ESRRB: variants seen among roughly 807,000 people sequenced by gnomAD.
The protein encoded by ESRRB is steroid hormone receptor ERR2.
In ESRRB, 16 loss-of-function variants were observed where a neutral mutation model predicts 46.0. The observed-to-expected ratio is 0.35, with a 90% CI of 0.24 to 0.53. The LOEUF (loss-of-function observed/expected upper bound fraction) is 0.53, where lower values mean the gene tolerates loss of function less well. Among genes scored for constraint, ESRRB ranks in the 20% least tolerant of loss-of-function variants. The pLI, the probability that ESRRB is intolerant of heterozygous loss-of-function variation, is 0.93. For synonymous variants in ESRRB, 246 were observed against 259.6 expected, an observed-to-expected ratio of 0.95 and a Z score of 0.50; for missense variants, 488 against 607.4, an observed-to-expected ratio of 0.80 and a Z score of 2.07.
chr14:76,492,465 C>T (rs1263762142), intron 6 of ESRRB, among the ~76,000 whole-genome samples: 2 of 152,230 alleles, frequency 1.3e-5, no homozygotes, highest in African/African-American at 2.4e-5. Flanking sequence ...CCACGCTCAG[C>T]GTCAACTTAT....
chr14:76,393,967 A>ATTTTTTTTTTTT (rs71122531), intron 1 of ESRRB, among the ~76,000 whole-genome samples: 51 of 126,954 alleles, frequency 4.0e-4, no homozygotes, highest in East Asian at 1.2e-3. Flanking sequence ...TGCCTGGCTA[A>ATTTTTTTTTTTT]TTTTTTTTTT....
chr14:76,498,363 G>T lies in ESRRB; in HGVS notation c.1270G>T (p.Ala424Ser). Residue 424 changes from alanine to serine, a missense_variant, in exon 7 of 7, where the codon GCC becomes TCC. Coordinates refer to ENST00000644823, the MANE Select transcript of ESRRB (RefSeq NM_001379180.1). ...GACACTGCCGCTGCTGCGGCAGACG[G>T]CCGCCAAGGCCGTGCAGCACTTCTA... ...LLTLPLLRQT[A>S]AKAVQHFYSV... 1 of 1,612,744 alleles carries T rather than the reference G, an allele frequency of 6.2e-7. No homozygotes were observed. The highest frequency in any genetic ancestry group is 8.5e-7 in the Non-Finnish European group (1 of 1,179,660).
At chr14:76,475,998 G>C (rs35786645) in intron 3 of ESRRB, among the ~76,000 whole-genome samples, 32,511 of 151,998 alleles carry the variant, frequency 0.21, 3,782 homozygotes, top group Middle Eastern at 0.32. Context: ...TCACAACCAG[G>C]ATATTGACAT....
chr14:76,449,226 T>C (rs973917880), intron 2 of ESRRB, among the ~76,000 whole-genome samples: 2 of 152,230 alleles, frequency 1.3e-5, no homozygotes, highest in African/African-American at 4.8e-5. Flanking sequence ...GTAAGATTAT[T>C]TTCCTGGGAA....
intron 2 of ESRRB, among the ~76,000 whole-genome samples, chr14:76,449,700 C>T (rs781147114): frequency 1.4e-4 from 22 of 151,730 alleles, no homozygotes; most frequent in Non-Finnish European, 2.2e-4. Flanking sequence ...TTAATAGCAC[C>T]TCTGATGTGA....
At chr14:76,475,288 G>T (rs982487139) in intron 3 of ESRRB, among the ~76,000 whole-genome samples, 2 of 150,852 alleles carry the variant, frequency 1.3e-5, no homozygotes, top group African/African-American at 2.4e-5. Flanking sequence ...AGGATCACTG[G>T]AGCCCAGTAG....
At chr14:76,352,052 G>C (rs1179967106) in intron 1 of ESRRB, among the ~76,000 whole-genome samples, 1 of 150,108 alleles carries the variant, frequency 6.7e-6, no homozygotes, top group Non-Finnish European at 1.5e-5. Context: ...TAAGTGTCCT[G>C]TTCGCTGTTG....
chr14:76,472,363 A>G (rs1238786416), intron 3 of ESRRB, among the ~76,000 whole-genome samples: 1 of 152,206 alleles, frequency 6.6e-6, no homozygotes, highest in Non-Finnish European at 1.5e-5. Flanking sequence ...TTTAATAGGC[A>G]GAATTCTGAG....
chr14:76,365,692 A>G (rs533555532), intron 1 of ESRRB, among the ~76,000 whole-genome samples: 1 of 152,370 alleles, frequency 6.6e-6, no homozygotes, highest in African/African-American at 2.4e-5. Context: ...ATTAAATAAT[A>G]GGTAACAAAA....
chr14:76,478,399 A>G (rs935348), intron 3 of ESRRB, among the ~76,000 whole-genome samples: 58,587 of 151,878 alleles, frequency 0.39, 11,489 homozygotes, highest in Middle Eastern at 0.52. Flanking sequence ...CAGAGGTGGC[A>G]GCTGCCCATC....
rs562618819 is a variant in ESRRB, at chr14:76,452,343, C to T, written c.461-10202C>T. ...CTTGAGGAACTTTCAAAAGTGGATT[C>T]AGGCTGGGCACAGTAGCTCACACTT... is the stretch of plus-strand genomic sequence containing the variant. On this transcript the variant is annotated intron_variant, in intron 2 of 6. Coordinates refer to ENST00000644823, the MANE Select transcript of ESRRB (RefSeq NM_001379180.1). Among the ~76,000 whole-genome samples, 15 of 152,098 alleles carry T rather than the reference C, an allele frequency of 9.9e-5. No individual in the cohort carries two copies. In the South Asian group the frequency reaches 2.5e-3, roughly 25 times the overall value.
intron 3 of ESRRB, among the ~76,000 whole-genome samples, chr14:76,471,024 G>A (rs189007115): frequency 1.3e-5 from 2 of 152,214 alleles, no homozygotes; most frequent in East Asian, 3.9e-4. Flanking sequence ...TGTCCTTTAT[G>A]AGACATCACA....
At chr14:76,467,308 C>T (rs1889159101) in intron 3 of ESRRB, among the ~76,000 whole-genome samples, 1 of 151,654 alleles carries the variant, frequency 6.6e-6, no homozygotes, top group African/African-American at 2.4e-5. Flanking sequence ...CGAGACCAGC[C>T]TGGCCAACAT....
intron 1 of ESRRB, chr14:76,310,978 T>TC (rs1883723818): frequency 1.7e-5 from 6 of 362,746 alleles, no homozygotes; most frequent in East Asian, 1.7e-4. Flanking sequence ...TCTGTCCCCT[T>TC]TCTCTCTCTC....
At chr14:76,385,226 AAAC>A (rs1381561133) in intron 1 of ESRRB, among the ~76,000 whole-genome samples, 1 of 151,540 alleles carries the variant, frequency 6.6e-6, no homozygotes, top group African/African-American at 2.4e-5. Flanking sequence ...AAAAAAAAAA[AAAC>A]AACCAAACCT....
intron 1 of ESRRB, among the ~76,000 whole-genome samples, chr14:76,317,646 G>A (rs74069776): frequency 0.031 from 4,725 of 152,206 alleles, 258 homozygotes; most frequent in African/African-American, 0.11. Flanking sequence ...GACCGCTTCC[G>A]CCCGCGGGCT....
intron 1 of ESRRB, among the ~76,000 whole-genome samples, chr14:76,412,838 A>G (rs1000226093): frequency 6.6e-6 from 1 of 152,162 alleles, no homozygotes; most frequent in African/African-American, 2.4e-5. Context: ...AGAAGGCCCG[A>G]GTTGCAGTGG....
At chr14:76,371,445 C>T (rs1304781508), upstream of ESRRB, 6 of 152,290 alleles carry the variant, frequency 3.9e-5, no homozygotes, top group African/African-American at 7.2e-5. Flanking sequence ...TAGGCCAGGC[C>T]CACCTTAGTC....
At chr14:76,496,104 G>A (rs564444037) in intron 6 of ESRRB, among the ~76,000 whole-genome samples, 1 of 152,246 alleles carries the variant, frequency 6.6e-6, no homozygotes, top group African/African-American at 2.4e-5. Flanking sequence ...TGTGAAGAAT[G>A]TGCAGTGACG....
Sources: allele counts gnomAD v4.1 joint callset (sites outside exome capture counted in the v4.1 genomes callset), GRCh38; gene constraint gnomAD v4.1.1; transcripts MANE v1.5; gene names NCBI Gene and HGNC (gene_info 2026-07-23, HGNC 2026-07-21).